The following ZNF804B variants were observed in gnomAD, a reference collection of about 807,000 sequenced individuals.
ZNF804B encodes zinc finger 804B.
In ZNF804B, 80 loss-of-function variants were observed where a neutral mutation model predicts 101.4. The ratio of observed to expected loss-of-function variants is 0.79; its 90% CI spans 0.66 to 0.95. The LOEUF (loss-of-function observed/expected upper bound fraction) is 0.95. Ranked by LOEUF, ZNF804B falls within the 40% of genes least tolerant of loss-of-function variation. The pLI, the probability that ZNF804B is intolerant of heterozygous loss-of-function variation, is 0.00. For missense variants in ZNF804B, 1,673 were observed against 1,561.9 expected (o/e 1.07, Z -1.20); for synonymous variants, 622 against 558.8 (o/e 1.11, Z -1.59).
At chr7:89,046,302 G>A (rs1163675078) in intron 1 of ZNF804B, among the ~76,000 whole-genome samples, 1 of 151,978 alleles carries the variant, frequency 6.6e-6, no homozygotes, top group East Asian at 1.9e-4. Flanking sequence ...GCATCAGAAT[G>A]GACTAATACA....
intron 2 of ZNF804B, among the ~76,000 whole-genome samples, chr7:89,324,847 A>G (rs1438180813): frequency 6.6e-6 from 1 of 151,772 alleles, no homozygotes; most frequent in African/African-American, 2.4e-5. Context: ...TTGTATTGCA[A>G]TACATATCCC....
chr7:88,874,347 T>C (rs896704405), intron 1 of ZNF804B, among the ~76,000 whole-genome samples: 19 of 151,662 alleles, frequency 1.3e-4, no homozygotes, highest in Non-Finnish European at 2.5e-4. Context: ...CTGAAGTTGC[T>C]TATCAGCTTA....
At chr7:89,152,051 C>A (rs577168647) in intron 1 of ZNF804B, among the ~76,000 whole-genome samples, 3 of 152,076 alleles carry the variant, frequency 2.0e-5, no homozygotes, top group Non-Finnish European at 2.9e-5. Context: ...ATAGAACTAG[C>A]AGAACTATCA....
chr7:88,960,514 C>T lies in ZNF804B; in HGVS notation c.108+200430C>T, dbSNP rs185157941. ...AATAAGAGAAGGTACAAAGGAGAAA[C>T]GTAGAAATAAGGAGGGATAAGAAAT... On this transcript the variant is annotated intron_variant, in intron 1 of 3. Transcript: ENST00000333190. Among the ~76,000 whole-genome samples, 24 of 150,494 alleles carry T rather than the reference C, an allele frequency of 1.6e-4. No individual in the cohort carries two copies. The East Asian group carries it at 4.7e-3, about 30-fold the overall frequency.
At chr7:88,988,742 T>G (rs1237731968) in intron 1 of ZNF804B, among the ~76,000 whole-genome samples, 2 of 152,108 alleles carry the variant, frequency 1.3e-5, no homozygotes, top group African/African-American at 4.8e-5. Context: ...TGACATAAGA[T>G]GAAGAAGAGT....
chr7:89,287,258 G>T (rs989926918), intron 2 of ZNF804B, among the ~76,000 whole-genome samples: 1 of 151,970 alleles, frequency 6.6e-6, no homozygotes, highest in African/African-American at 2.4e-5. Flanking sequence ...CTCAGCATGG[G>T]GTTGGTACCC....
At chr7:89,057,036 T>C (rs1789307444) in intron 1 of ZNF804B, among the ~76,000 whole-genome samples, 2 of 152,126 alleles carry the variant, frequency 1.3e-5, no homozygotes, top group South Asian at 4.1e-4. Flanking sequence ...ATTTTCATGC[T>C]GGTCCCATTT....
At chr7:88,859,758 A>G (rs1354776680) in intron 1 of ZNF804B, among the ~76,000 whole-genome samples, 2 of 151,972 alleles carry the variant, frequency 1.3e-5, no homozygotes, top group African/African-American at 4.8e-5. Context: ...ATGGAAATAT[A>G]GTGTTATTTA....
intron 1 of ZNF804B, among the ~76,000 whole-genome samples, chr7:89,084,596 A>G (rs1422979122): frequency 6.6e-6 from 1 of 151,966 alleles, no homozygotes; most frequent in Non-Finnish European, 1.5e-5. Context: ...CTAAACAATT[A>G]TATTTATACT....
At chr7:89,042,058 A>G (rs1369697395) in intron 1 of ZNF804B, among the ~76,000 whole-genome samples, 2 of 152,172 alleles carry the variant, frequency 1.3e-5, no homozygotes. Flanking sequence ...AGGCTGAGAA[A>G]TGTGTTATAC....
intron 2 of ZNF804B, among the ~76,000 whole-genome samples, chr7:89,263,036 G>T (rs1274067249): frequency 6.6e-6 from 1 of 152,166 alleles, no homozygotes; most frequent in African/African-American, 2.4e-5. Context: ...GAGCTGAAAT[G>T]TGGCTTGGAT....
chr7:89,173,675 A>G (rs1791273879), intron 1 of ZNF804B, among the ~76,000 whole-genome samples: 1 of 152,038 alleles, frequency 6.6e-6, no homozygotes, highest in Admixed American at 6.6e-5. Flanking sequence ...AAAAGAAACC[A>G]GACACATATG....
At chr7:89,085,031 G>A (rs1255837139) in intron 1 of ZNF804B, among the ~76,000 whole-genome samples, 1 of 151,854 alleles carries the variant, frequency 6.6e-6, no homozygotes, top group Non-Finnish European at 1.5e-5. Context: ...ATTTCAAGGG[G>A]ACAGACTGTT....
At chr7:88,981,554 C>T (rs1009062291) in intron 1 of ZNF804B, among the ~76,000 whole-genome samples, 1 of 152,030 alleles carries the variant, frequency 6.6e-6, no homozygotes, top group African/African-American at 2.4e-5. Context: ...CTGAATCCAG[C>T]ATAGCACCAG....
Position 89,301,557 on chromosome 7 carries a change from A to G in ZNF804B, c.250-25787A>G, listed in dbSNP as rs180828196. ...CTTTTCCTCATGAATGCAATGTTTC[A>G]GCTAAAAATAGCTAGTTAGTATTCC... On this transcript the variant is annotated intron_variant, in intron 2 of 3. Transcript: ENST00000333190. Among the ~76,000 whole-genome samples the G allele has an allele frequency of 4.0e-4, 61 of 151,996 alleles. 2 individuals are homozygous for G. In the Middle Eastern group the frequency reaches 0.021, roughly 51 times the overall value.
intron 1 of ZNF804B, among the ~76,000 whole-genome samples, chr7:89,172,434 C>T (rs1012943976): frequency 4.6e-5 from 7 of 152,092 alleles, no homozygotes; most frequent in East Asian, 1.9e-4. Flanking sequence ...GTGGCTATGT[C>T]GGTCAAGTTA....
At chr7:89,294,014 G>A (rs1790341515) in intron 2 of ZNF804B, among the ~76,000 whole-genome samples, 1 of 152,124 alleles carries the variant, frequency 6.6e-6, no homozygotes, top group South Asian at 2.1e-4. Flanking sequence ...TGGCAACTCT[G>A]TCATCATTTG....
intron 1 of ZNF804B, among the ~76,000 whole-genome samples, chr7:88,802,315 T>C (rs956529180): frequency 5.9e-5 from 9 of 152,176 alleles, no homozygotes; most frequent in African/African-American, 2.2e-4. Context: ...TTTTCTGTTT[T>C]GTTTTTAAAT....
chr7:88,967,376 A>G (rs569534767), intron 1 of ZNF804B, among the ~76,000 whole-genome samples: 1 of 151,440 alleles, frequency 6.6e-6, no homozygotes, highest in African/African-American at 2.4e-5. Flanking sequence ...CTCACTCACT[A>G]TTACGAGGGG....
Sources: gnomAD v4.1 joint callset for allele counts (sites outside exome capture counted in the v4.1 genomes callset) on GRCh38, gnomAD v4.1.1 for gene constraint, MANE v1.5 for transcripts, NCBI Gene and HGNC (gene_info 2026-07-23, HGNC 2026-07-21) for gene names.